The following ELAPOR1 variants were observed in gnomAD, a reference collection of about 807,000 sequenced individuals.
The protein encoded by ELAPOR1 is endosome-lysosome associated apoptosis and autophagy regulator 1.
A neutral mutation model predicts 119.7 loss-of-function variants in ELAPOR1; 77 were observed. That is an observed-to-expected ratio of 0.64 (90% CI 0.54 to 0.78). The LOEUF (loss-of-function observed/expected upper bound fraction) is 0.78. Among genes scored for constraint, ELAPOR1 ranks in the 30% least tolerant of loss-of-function variants. The probability of loss-of-function intolerance (pLI) is 0.00; values close to 1 mark genes in which losing one functional copy is unlikely to be tolerated. For missense variants in ELAPOR1, 1,115 were observed against 1,270.4 expected (o/e 0.88, Z 1.86); for synonymous variants, 481 against 487.2 (o/e 0.99, Z 0.17).
chr1:109,132,614 T>C (rs1267955664), intron 1 of ELAPOR1, among the ~76,000 whole-genome samples: 1 of 152,150 alleles, frequency 6.6e-6, no homozygotes, highest in Non-Finnish European at 1.5e-5. Flanking sequence ...AGGGAACTCT[T>C]CTGAGACAAT....
At chr1:109,187,544 C>G (rs1444449552) in intron 8 of ELAPOR1, 1 of 1,001,582 alleles carries the variant, frequency 1.0e-6, no homozygotes. Context: ...GTGACTCGAT[C>G]TGAGGGCCAC....
intron 4 of ELAPOR1, 23 bp downstream of exon 4, chr1:109,172,036 G>A (rs1267187379): frequency 1.7e-5 from 28 of 1,613,884 alleles, no homozygotes; most frequent in Non-Finnish European, 2.2e-5. Flanking sequence ...CCAAGGTGGA[G>A]GGTGGGAGCT....
At position 109,201,887 on chromosome 1, in the gene ELAPOR1, G is replaced by T. The variant is rs141997603; in HGVS notation, c.2973+987G>T. Among the ~76,000 whole-genome samples, 16 of 152,220 alleles carry T rather than the reference G, an allele frequency of 1.1e-4. No homozygotes were observed. In the East Asian group the frequency reaches 1.4e-3, roughly 13 times the overall value. On this transcript the variant is annotated intron_variant, in intron 21 of 21. Transcript: ENST00000369939. ...GGCCCAGGCTGGAGGATCTCTTGAG[G>T]CTGGGAGTTCAAGATCAGCCTAGAC...
chr1:109,128,879 A>G (rs1648963587), intron 1 of ELAPOR1, among the ~76,000 whole-genome samples: 1 of 152,200 alleles, frequency 6.6e-6, no homozygotes, highest in South Asian at 2.1e-4. Flanking sequence ...CAAGGATATT[A>G]TCTCCATAGA....
At chr1:109,189,539 A>G in intron 10 of ELAPOR1, 53 bp from the exon 11 acceptor site, 1 of 1,497,716 alleles carries the variant, frequency 6.7e-7, no homozygotes, top group East Asian at 2.3e-5. Context: ...CTGGGTGCAC[A>G]TTTGCCTTGC....
At position 109,130,636 on chromosome 1, in the gene ELAPOR1, G is replaced by A. The variant is rs7533602; in HGVS notation, c.153+16300G>A. ...TGCTAGGATTACAAGTGCAAGCACT[G>A]CACCCGGCCAGCATATCAATATTTT... is the stretch of plus-strand genomic sequence containing the variant. On this transcript the variant is annotated intron_variant, in intron 1 of 21. Transcript: ENST00000369939. Among the ~76,000 whole-genome samples, 1,306 of 152,070 alleles carry A rather than the reference G, an allele frequency of 8.6e-3. 17 individuals are homozygous for A. The highest frequency in any genetic ancestry group is 0.029 in the African/African-American group (1,218 of 41,492).
intron 5 of ELAPOR1, 61 bp from the exon 6 acceptor site, chr1:109,173,413 A>AATC (rs1163421981): frequency 1.4e-5 from 19 of 1,386,530 alleles, no homozygotes; most frequent in Non-Finnish European, 1.9e-5. Flanking sequence ...AAGAGGCTAT[A>AATC]CCAACAGATT....
intron 5 of ELAPOR1, 96 bp downstream of exon 5, chr1:109,172,664 A>G: frequency 1.2e-6 from 1 of 851,014 alleles, no homozygotes; most frequent in Non-Finnish European, 2.0e-6. Flanking sequence ...CCTCCACCCC[A>G]ATGTCCCTGG....
At chr1:109,119,326 A>C (rs943985793) in intron 1 of ELAPOR1, among the ~76,000 whole-genome samples, 2 of 151,324 alleles carry the variant, frequency 1.3e-5, no homozygotes, top group Non-Finnish European at 2.9e-5. Context: ...TTGGGATTAC[A>C]GGTGTGCACC....
At chr1:109,129,095 A>G (rs556527415) in intron 1 of ELAPOR1, among the ~76,000 whole-genome samples, 87 of 152,328 alleles carry the variant, frequency 5.7e-4, no homozygotes, top group African/African-American at 2.1e-3. Context: ...GTTTTTACCA[A>G]ATAGTTATTT....
chr1:109,121,476 A>T (rs896925075), intron 1 of ELAPOR1, among the ~76,000 whole-genome samples: 2 of 152,144 alleles, frequency 1.3e-5, no homozygotes, highest in African/African-American at 4.8e-5. Flanking sequence ...TATAAAAGCA[A>T]TAAGGTTATT....
intron 1 of ELAPOR1, among the ~76,000 whole-genome samples, chr1:109,161,396 C>A (rs969718625): frequency 8.2e-6 from 1 of 122,670 alleles, no homozygotes; most frequent in Non-Finnish European, 1.6e-5. Flanking sequence ...GGCGACAGAG[C>A]GAGACTCCGT....
At chr1:109,158,584 T>A (rs1402020288) in intron 1 of ELAPOR1, among the ~76,000 whole-genome samples, 1 of 152,174 alleles carries the variant, frequency 6.6e-6, no homozygotes. Flanking sequence ...TTTGTTTTTC[T>A]GATGAACAGG....
chr1:109,190,456 C>G (rs1238892451), intron 11 of ELAPOR1, among the ~76,000 whole-genome samples: 5 of 152,216 alleles, frequency 3.3e-5, no homozygotes. Flanking sequence ...AAAGTGAACT[C>G]TTCTGCCCAT....
intron 1 of ELAPOR1, among the ~76,000 whole-genome samples, chr1:109,128,662 GC>G (rs1025389790): frequency 2.0e-5 from 3 of 152,220 alleles, no homozygotes; most frequent in African/African-American, 4.8e-5. Flanking sequence ...GGAAACCTGT[GC>G]CATTGGGTTA....
In ELAPOR1 at chr1:109,201,509, A is replaced by C. The variant is rs1369764395; in HGVS notation, c.2973+609A>C. ...ATACAAGCAGGTCCTCCAGGGCTAT[A>C]GTCCTCTGCAGCACAACTCTGCCAG... On this transcript the variant is annotated intron_variant, in intron 21 of 21. Transcript: ENST00000369939. 4 of 375,126 alleles carry C rather than the reference A, an allele frequency of 1.1e-5. No individual in the cohort carries two copies. The East Asian group carries it at 2.2e-4, about 21-fold the overall frequency. The allele number at this position is 375,126 out of a possible 1,614,324, so 23.2% of individuals were successfully genotyped here.
At chr1:109,151,914 C>T (rs1427591877) in intron 1 of ELAPOR1, among the ~76,000 whole-genome samples, 1 of 151,280 alleles carries the variant, frequency 6.6e-6, no homozygotes, top group Non-Finnish European at 1.5e-5. Flanking sequence ...CACTCTGCCA[C>T]CCAGGCTGGA....
In ELAPOR1 at chr1:109,191,459, C is replaced by T; in HGVS notation, c.1533C>T (p.Leu511=). Residue 511 remains leucine (L), a synonymous_variant, in exon 12 of 22, where the codon CTC becomes CTT. Coordinates refer to ENST00000369939, the MANE Select transcript of ELAPOR1 (RefSeq NM_020775.5). ...CCCTCTGTTCTGTGAACTGTGAGCTCTACTTCATGGTGGTACGTTTTCCTT... is the reference window on the plus strand; with the variant it reads ...CCCTCTGTTCTGTGAACTGTGAGCTTTACTTCATGGTGGTACGTTTTCCTT... ...FETLCSVNCE[L]YFMVGVNSRT... is the part of the protein sequence containing the mutation. 6.2e-7 allele frequency: 1 copy of T among 1,613,724 alleles called. No individual in the cohort carries two copies.
chr1:109,149,241 C>T (rs1189532060), intron 1 of ELAPOR1, among the ~76,000 whole-genome samples: 1 of 152,064 alleles, frequency 6.6e-6, no homozygotes, highest in Middle Eastern at 3.4e-3. Flanking sequence ...GCTCCTTTCT[C>T]TCAGCTGGGA....
Sources: gnomAD v4.1 joint callset for allele counts (sites outside exome capture counted in the v4.1 genomes callset) on GRCh38, gnomAD v4.1.1 for gene constraint, MANE v1.5 for transcripts, NCBI Gene and HGNC (gene_info 2026-07-23, HGNC 2026-07-21) for gene names.